The following SCARB1 variants were observed in gnomAD, a reference collection of about 807,000 sequenced individuals.
The protein encoded by SCARB1 is CD36 and LIMPII analogous 1.
In SCARB1, 30 loss-of-function variants were observed where a neutral mutation model predicts 57.2. That is an observed-to-expected ratio of 0.52 (90% CI 0.39 to 0.71). SCARB1 has a LOEUF of 0.71. Ranked by LOEUF, SCARB1 falls within the 30% of genes least tolerant of loss-of-function variation. The probability of loss-of-function intolerance (pLI) is 0.00; values close to 1 mark genes in which losing one functional copy is unlikely to be tolerated. For missense variants in SCARB1, 543 were observed against 671.2 expected, an observed-to-expected ratio of 0.81 and a Z score of 2.11; for synonymous variants, 249 against 268.3, an observed-to-expected ratio of 0.93 and a Z score of 0.70.
rs1454508734 is a variant in SCARB1 at position 124,796,300 on chromosome 12, G to A, written c.1129-1032C>T. ...AGACAGAGTTTCACTATGTTGCCCA[G>A]GCTGGCGTCAAACTCCTAGCCTCAA... On this transcript the variant is annotated intron_variant, in intron 8 of 12. Transcript: ENST00000261693. The surrounding 1 kb of genome is among the most constrained non-coding windows in gnomAD (Gnocchi z 4.0). 6.6e-6 allele frequency among the ~76,000 whole-genome samples: 1 copy of A among 151,854 alleles called. No individual in the cohort carries two copies. The highest frequency in any genetic ancestry group is 1.5e-5 in the Non-Finnish European group (1 of 67,964).
intron 1 of SCARB1, among the ~76,000 whole-genome samples, chr12:124,857,314 G>A (rs1457472622): frequency 1.3e-5 from 2 of 152,188 alleles, no homozygotes; most frequent in Non-Finnish European, 2.9e-5. Flanking sequence ...TAAACACTTG[G>A]AACAGTATCC....
intron 1 of SCARB1, among the ~76,000 whole-genome samples, chr12:124,838,775 C>CTTTT (rs1174317110): frequency 0.029 from 3,343 of 117,256 alleles, 195 homozygotes; most frequent in Non-Finnish European, 0.035. Flanking sequence ...CCAACTTAGC[C>CTTTT]TTTTTTTTTT....
chr12:124,860,356 A>G (rs1291314669), intron 1 of SCARB1, among the ~76,000 whole-genome samples: 2 of 152,262 alleles, frequency 1.3e-5, no homozygotes, highest in Non-Finnish European at 2.9e-5. Flanking sequence ...CAATATCCAC[A>G]TCTTCACCCC....
intron 9 of SCARB1, among the ~76,000 whole-genome samples, chr12:124,791,505 G>T (rs1949727823): frequency 6.6e-6 from 1 of 152,170 alleles, no homozygotes; most frequent in Admixed American, 6.5e-5. Flanking sequence ...GCATATAAAA[G>T]TGCTTGGCAC....
chr12:124,794,733 C>G (rs1363406946), intron 9 of SCARB1, among the ~76,000 whole-genome samples: 4 of 152,112 alleles, frequency 2.6e-5, no homozygotes, highest in Non-Finnish European at 5.9e-5. Flanking sequence ...GAGTTTGAGA[C>G]CAGCCTGACC....
In SCARB1 at chr12:124,795,343, T is replaced by C. The variant is rs1949906235; in HGVS notation, c.1129-75A>G. On this transcript the variant is annotated intron_variant, in intron 8 of 12. Transcript: ENST00000261693. ...ACACCGTCAACCCTCCTCTCCCTGG[T>C]CCCAGTCAAGAGGGTGGGCGTCCCA... 14 of 1,261,734 alleles carry C rather than the reference T, an allele frequency of 1.1e-5. No homozygotes were observed. The South Asian group carries it at 1.7e-4, about 15-fold the overall frequency. The allele number at this position is 1,261,734 out of a possible 1,614,324, so 78.2% of individuals were successfully genotyped here.
chr12:124,816,626 G>A (rs993841030), intron 2 of SCARB1, among the ~76,000 whole-genome samples: 1 of 152,142 alleles, frequency 6.6e-6, no homozygotes, highest in Non-Finnish European at 1.5e-5. Context: ...CTGGAACACC[G>A]TGTGCCGGGG....
chr12:124,792,999 T>G (rs995659395), intron 9 of SCARB1, among the ~76,000 whole-genome samples: 3 of 152,048 alleles, frequency 2.0e-5, no homozygotes, highest in Admixed American at 2.0e-4. Context: ...GAGGGAGGAC[T>G]TGGGCTGCAA....
intron 11 of SCARB1, 96 bp downstream of exon 11, chr12:124,786,261 G>A (rs766426416): frequency 1.9e-6 from 3 of 1,600,238 alleles, no homozygotes; most frequent in Non-Finnish European, 2.5e-6. Flanking sequence ...GTGGGCTCCA[G>A]GCTGCGGTTG....
chr12:124,845,594 A>G (rs1171400603), intron 1 of SCARB1, among the ~76,000 whole-genome samples: 14 of 150,840 alleles, frequency 9.3e-5, no homozygotes, highest in Non-Finnish European at 5.9e-5. Flanking sequence ...AGTCCCAGCT[A>G]CTGGGGAGGC....
At chr12:124,840,398 G>A (rs1951863022) in intron 1 of SCARB1, among the ~76,000 whole-genome samples, 1 of 152,086 alleles carries the variant, frequency 6.6e-6, no homozygotes. Context: ...GGCTGGCCTC[G>A]AACTCCTGAC....
At chr12:124,843,633 T>G (rs1952007155) in intron 1 of SCARB1, among the ~76,000 whole-genome samples, 1 of 151,848 alleles carries the variant, frequency 6.6e-6, no homozygotes, top group African/African-American at 2.4e-5. Flanking sequence ...GTGGCCTTAT[T>G]TAAAAATAGG....
chr12:124,820,438 C>T (rs1302407844), intron 1 of SCARB1, among the ~76,000 whole-genome samples: 1 of 152,080 alleles, frequency 6.6e-6, no homozygotes, highest in Non-Finnish European at 1.5e-5. Flanking sequence ...GTCCTGCCCC[C>T]TCGGTAACGC....
At chr12:124,806,399 A>T (rs1345098329) in intron 7 of SCARB1, among the ~76,000 whole-genome samples, 2 of 152,188 alleles carry the variant, frequency 1.3e-5, no homozygotes, top group Non-Finnish European at 2.9e-5. Flanking sequence ...CAACAATGTC[A>T]GGGGACCGAC....
chr12:124,801,563 A>G (rs1950131813), intron 7 of SCARB1, among the ~76,000 whole-genome samples: 1 of 152,156 alleles, frequency 6.6e-6, no homozygotes, highest in Non-Finnish European at 1.5e-5. Context: ...CGGGTGGATC[A>G]CTTGAGGTCA....
chr12:124,777,705 G>C lies in SCARB1; in HGVS notation c.*882C>G, dbSNP rs1224949863. The C allele has an allele frequency of 6.6e-6, 1 of 152,252 alleles. No individual in the cohort carries two copies. Among genetic ancestry groups the C allele is most frequent in the African/African-American group, 2.4e-5 (1 of 41,460 alleles). 9.4% of individuals were successfully genotyped at this position (152,252 alleles called of 1,614,324 possible). A position where few individuals can be genotyped will look rare whatever the true frequency, so the allele number is the denominator to read the frequency against. On this transcript the variant is annotated 3_prime_UTR_variant, in exon 13 of 13. Transcript: ENST00000261693. ...GATAAAACTCATTTCTATTCCAGTA[G>C]AAAAGGGTCACAGGTTTGCCCCAGG...
chr12:124,823,478 T>C (rs1443582593), intron 1 of SCARB1, among the ~76,000 whole-genome samples: 1 of 151,994 alleles, frequency 6.6e-6, no homozygotes, highest in East Asian at 1.9e-4. Context: ...TCATGGAAAA[T>C]AGCAAGTGTT....
rs1950767199 is a variant in SCARB1, at chr12:124,817,148, G to A, written c.284+402C>T. ...TGTATGTGTGTATGTGTATGTGTAT[G>A]TGTGTGTATGTATGTGTGTAACTCA... On this transcript the variant is annotated intron_variant, in intron 2 of 12. Transcript: ENST00000261693. This position sits in a 1 kb window ranked among gnomAD's most constrained non-coding sequence, Gnocchi z 4.8. Among the ~76,000 whole-genome samples, 1 of 151,442 alleles carries A rather than the reference G, an allele frequency of 6.6e-6. No individual in the cohort carries two copies. The highest frequency in any genetic ancestry group is 1.5e-5 in the Non-Finnish European group (1 of 67,848).
chr12:124,839,963 G>T (rs1345410893), intron 1 of SCARB1: 1 of 258,814 alleles, frequency 3.9e-6, no homozygotes, highest in South Asian at 2.3e-5. Context: ...CGATTTCTCC[G>T]CACCCTCACC....
Sources: allele counts gnomAD v4.1 joint callset (sites outside exome capture counted in the v4.1 genomes callset), GRCh38; gene constraint gnomAD v4.1.1; non-coding constraint Gnocchi (gnomAD v3.1); transcripts MANE v1.5; gene names NCBI Gene and HGNC (gene_info 2026-07-23, HGNC 2026-07-21).